TOP6BL: variants seen among roughly 807,000 people sequenced by gnomAD.
TOP6BL encodes the protein type 2 DNA topoisomerase 6 subunit B-like.
chr11:66,792,599 G>C, the TOP6BL span, among the ~76,000 whole-genome samples: 1 of 152,194 alleles, frequency 6.6e-6, no homozygotes, highest in East Asian at 1.9e-4. Flanking sequence ...TTGAATCCCA[G>C]TGCTGCCACT....
chr11:66,838,212 G>T, the TOP6BL span, among the ~76,000 whole-genome samples: 452 of 152,302 alleles, frequency 3.0e-3, 1 homozygote, highest in African/African-American at 9.9e-3. Flanking sequence ...AGACTGGAGG[G>T]TGGGTAGGGG....
At chr11:66,825,213 G>A in the TOP6BL span, among the ~76,000 whole-genome samples, 2 of 151,198 alleles carry the variant, frequency 1.3e-5, no homozygotes, top group African/African-American at 4.9e-5. Context: ...GGTGGCTCAT[G>A]CCTGTAAGTA....
At chr11:66,780,323 T>C in the TOP6BL span, among the ~76,000 whole-genome samples, 1 of 152,198 alleles carries the variant, frequency 6.6e-6, no homozygotes, top group South Asian at 2.1e-4. Flanking sequence ...AATAGTCTTT[T>C]ATATTCACTT....
the TOP6BL span, among the ~76,000 whole-genome samples, chr11:66,838,729 T>C: frequency 6.6e-6 from 1 of 152,042 alleles, no homozygotes; most frequent in Non-Finnish European, 1.5e-5. Context: ...CCCTGAATTT[T>C]ATTTTATTTT....
At chr11:66,785,705 A>C in the TOP6BL span, among the ~76,000 whole-genome samples, 1 of 152,134 alleles carries the variant, frequency 6.6e-6, no homozygotes, top group Admixed American at 6.6e-5. Flanking sequence ...CTCATCTCAT[A>C]TCAGTGAGGC....
At chr11:66,780,327 T>G in the TOP6BL span, among the ~76,000 whole-genome samples, 3 of 152,312 alleles carry the variant, frequency 2.0e-5, no homozygotes, top group Non-Finnish European at 2.9e-5. Flanking sequence ...GTCTTTTATA[T>G]TCACTTATTT....
chr11:66,782,438 G>A, the TOP6BL span, among the ~76,000 whole-genome samples: 1 of 152,140 alleles, frequency 6.6e-6, no homozygotes, highest in Non-Finnish European at 1.5e-5. Flanking sequence ...ACAGACTTTA[G>A]TACCCTGCTC....
the TOP6BL span, among the ~76,000 whole-genome samples, chr11:66,754,204 C>G: frequency 2.0e-5 from 3 of 152,232 alleles, no homozygotes; most frequent in South Asian, 6.2e-4. Context: ...CTCAGCAAGA[C>G]TTTTAAACCT....
At chr11:66,753,402 T>C in the TOP6BL span, among the ~76,000 whole-genome samples, 1 of 142,864 alleles carries the variant, frequency 7.0e-6, no homozygotes, top group Non-Finnish European at 1.5e-5. Flanking sequence ...GGCCAGGACT[T>C]AGTCTTTTTT....
chr11:66,753,143 T>C, the TOP6BL span, among the ~76,000 whole-genome samples: 1 of 151,814 alleles, frequency 6.6e-6, no homozygotes, highest in Non-Finnish European at 1.5e-5. Context: ...AAAAAATATA[T>C]ATATATCAGT....
the TOP6BL span, among the ~76,000 whole-genome samples, chr11:66,829,814 A>G: frequency 6.6e-6 from 1 of 152,184 alleles, no homozygotes; most frequent in Non-Finnish European, 1.5e-5. Context: ...GCATGAGCCC[A>G]GGAGGCAGAG....
the TOP6BL span, chr11:66,822,599 T>G: frequency 6.4e-7 from 1 of 1,552,968 alleles, no homozygotes; most frequent in Non-Finnish European, 8.7e-7. Context: ...TCTCAGTGGC[T>G]GTGAACTCCA....
the TOP6BL span, among the ~76,000 whole-genome samples, chr11:66,802,939 C>A: frequency 6.6e-6 from 1 of 152,140 alleles, no homozygotes; most frequent in Non-Finnish European, 1.5e-5. Context: ...GGGAAAGGTT[C>A]ATTAATATTT....
chr11:66,769,216 C>T, the TOP6BL span, among the ~76,000 whole-genome samples: 1 of 152,054 alleles, frequency 6.6e-6, no homozygotes, highest in Non-Finnish European at 1.5e-5. Context: ...GGTCAGATGA[C>T]ATCACATAGA....
chr11:66,757,902 A>C, the TOP6BL span, among the ~76,000 whole-genome samples: 5 of 152,166 alleles, frequency 3.3e-5, no homozygotes, highest in Admixed American at 3.3e-4. Context: ...CTAAATTTCT[A>C]ATTTAATTTA....
chr11:66,821,538 G>A, the TOP6BL span: 1 of 1,312,326 alleles, frequency 7.6e-7, no homozygotes, highest in Non-Finnish European at 1.0e-6. Flanking sequence ...GCCTCCCAAA[G>A]TGCTGGGATT....
At chr11:66,797,098 C>G in the TOP6BL span, among the ~76,000 whole-genome samples, 1 of 151,500 alleles carries the variant, frequency 6.6e-6, no homozygotes, top group Admixed American at 6.6e-5. Flanking sequence ...CTCCCAGATT[C>G]AAGCCATTCT....
At chr11:66,843,419 G>A in the TOP6BL span, 1 of 1,404,362 alleles carries the variant, frequency 7.1e-7, no homozygotes, top group Non-Finnish European at 9.2e-7. Flanking sequence ...ACCTCCCTGG[G>A]ACTGCGTCAC....
chr11:66,772,641 G>A, the TOP6BL span, among the ~76,000 whole-genome samples: 2 of 152,096 alleles, frequency 1.3e-5, no homozygotes, highest in South Asian at 2.1e-4. Context: ...GTGGTGGTGC[G>A]TGCCTTTCTT....
Sources: gnomAD v4.1 joint callset for allele counts (sites outside exome capture counted in the v4.1 genomes callset) on GRCh38, gnomAD v4.1.1 for gene constraint, MANE v1.5 for transcripts, NCBI Gene and HGNC (gene_info 2026-07-23, HGNC 2026-07-21) for gene names.